The following AHCYL2 variants were observed in gnomAD, a reference collection of about 807,000 sequenced individuals.
AHCYL2 encodes the protein S-adenosylhomocysteine hydrolase-like protein 2.
AHCYL2 carries 28 observed loss-of-function variants against 81.4 expected under a neutral mutation model. The ratio of observed to expected loss-of-function variants is 0.34; its 90% CI spans 0.25 to 0.47. The LOEUF (loss-of-function observed/expected upper bound fraction) is 0.47. AHCYL2 is among the 20% of genes least tolerant of loss of function. The probability of loss-of-function intolerance (pLI) is 1.00; values close to 1 mark genes in which losing one functional copy is unlikely to be tolerated. For synonymous variants in AHCYL2, 272 were observed against 290.2 expected (o/e 0.94, Z 0.64); for missense variants, 551 against 785.1 (o/e 0.70, Z 3.56).
intron 1 of AHCYL2, among the ~76,000 whole-genome samples, chr7:129,272,961 G>A (rs551712972): frequency 1.3e-5 from 2 of 152,188 alleles, no homozygotes; most frequent in East Asian, 3.9e-4. Flanking sequence ...TTAGGCTGGA[G>A]TGCAGTGGTG....
At chr7:129,306,766 G>A (rs1054482214) in intron 1 of AHCYL2, among the ~76,000 whole-genome samples, 7 of 152,122 alleles carry the variant, frequency 4.6e-5, no homozygotes, top group Non-Finnish European at 8.8e-5. Flanking sequence ...AAGGGACTTG[G>A]GTGTTGAGAT....
chr7:129,322,575 G>A (rs1020580007), intron 1 of AHCYL2, among the ~76,000 whole-genome samples: 1 of 152,096 alleles, frequency 6.6e-6, no homozygotes, highest in African/African-American at 2.4e-5. Flanking sequence ...GCAAAAAGCT[G>A]TTCATAATTT....
intron 12 of AHCYL2, 70 bp from the exon 13 acceptor site, chr7:129,422,770 C>A: frequency 7.1e-7 from 1 of 1,411,124 alleles, no homozygotes; most frequent in East Asian, 2.3e-5. Flanking sequence ...AAATGGCTCC[C>A]TTCAACATCT....
intron 4 of AHCYL2, among the ~76,000 whole-genome samples, chr7:129,392,255 A>G (rs1230295911): frequency 6.6e-6 from 1 of 152,158 alleles, no homozygotes; most frequent in Non-Finnish European, 1.5e-5. Context: ...GTCTTAGTTC[A>G]TTTGGGCTGC....
chr7:129,401,829 G>C (rs1796052184), intron 6 of AHCYL2, among the ~76,000 whole-genome samples: 1 of 152,202 alleles, frequency 6.6e-6, no homozygotes, highest in African/African-American at 2.4e-5. Context: ...AGCACAAACT[G>C]CTAGGAAGGT....
rs572099965 is a variant in AHCYL2, at chr7:129,269,465, T to A, written c.363+44026T>A. Among the ~76,000 whole-genome samples, 6 of 152,238 alleles carry A rather than the reference T, an allele frequency of 3.9e-5. No homozygotes were observed. The East Asian group carries it at 1.2e-3, about 29-fold the overall frequency. On this transcript the variant is annotated intron_variant, in intron 1 of 16. Coordinates refer to ENST00000325006, the MANE Select transcript of AHCYL2 (RefSeq NM_015328.4). ...CATGCCTGGCTAATTTTTTTTTTAT[T>A]TTGAGTAGAGATGGGGTTTCACCAT...
intron 1 of AHCYL2, among the ~76,000 whole-genome samples, chr7:129,352,133 T>C (rs1793588868): frequency 6.6e-6 from 1 of 152,200 alleles, no homozygotes; most frequent in Non-Finnish European, 1.5e-5. Flanking sequence ...GCATTCCTGA[T>C]TGTTTGAGTT....
chr7:129,241,374 T>C (rs931614155), intron 1 of AHCYL2, among the ~76,000 whole-genome samples: 8 of 152,186 alleles, frequency 5.3e-5, no homozygotes, highest in African/African-American at 1.7e-4. Context: ...GTGGATCACC[T>C]GAGGTCAGGA....
At chr7:129,281,048 A>G (rs879711155) in intron 1 of AHCYL2, among the ~76,000 whole-genome samples, 1 of 151,936 alleles carries the variant, frequency 6.6e-6, no homozygotes, top group Non-Finnish European at 1.5e-5. Flanking sequence ...TATTTTTAGT[A>G]GAGATGGGGT....
intron 1 of AHCYL2, among the ~76,000 whole-genome samples, chr7:129,340,093 T>A (rs1377687120): frequency 3.3e-5 from 5 of 149,730 alleles, no homozygotes; most frequent in Admixed American, 6.6e-5. Context: ...TTATTTTTTG[T>A]ATTTTTTTTT....
At position 129,427,010 on chromosome 7, in the gene AHCYL2, C is replaced by A. The variant is rs374014375; in HGVS notation, c.1830-29C>A. ...CAGCATCCCCATTAGCTGATAACAT[C>A]ACAGTCTCATCTTTCTTTTTCCCTC... On this transcript the variant is annotated intron_variant, in intron 16 of 16. Coordinates refer to ENST00000325006, the MANE Select transcript of AHCYL2 (RefSeq NM_015328.4). This position sits in a 1 kb window ranked among gnomAD's most constrained non-coding sequence, Gnocchi z 5.5. 3.7e-6 allele frequency: 6 copies of A among 1,608,942 alleles called. No homozygotes were observed. The African/African-American group carries it at 8.0e-5, about 22-fold the overall frequency.
chr7:129,330,741 G>A (rs538160518), intron 1 of AHCYL2, among the ~76,000 whole-genome samples: 18 of 152,304 alleles, frequency 1.2e-4, no homozygotes, highest in African/African-American at 3.8e-4. Flanking sequence ...GATTACAGGC[G>A]TGAGCCACCA....
chr7:129,371,816 C>T (rs1180376730), intron 1 of AHCYL2, among the ~76,000 whole-genome samples: 1 of 152,126 alleles, frequency 6.6e-6, no homozygotes, highest in African/African-American at 2.4e-5. Flanking sequence ...GCTTGATGCC[C>T]GATATTCTTT....
intron 1 of AHCYL2, among the ~76,000 whole-genome samples, chr7:129,302,208 G>C (rs964337220): frequency 6.6e-6 from 1 of 152,096 alleles, no homozygotes; most frequent in African/African-American, 2.4e-5. Flanking sequence ...AAATGCTAGT[G>C]ACTTTTGTGT....
intron 1 of AHCYL2, among the ~76,000 whole-genome samples, chr7:129,277,417 A>G (rs1796261495): frequency 6.6e-6 from 1 of 151,974 alleles, no homozygotes; most frequent in South Asian, 2.1e-4. Context: ...AGCTGGAATT[A>G]CAGGTGCGCA....
intron 1 of AHCYL2, among the ~76,000 whole-genome samples, chr7:129,244,778 C>T (rs753906026): frequency 6.6e-6 from 1 of 152,076 alleles, no homozygotes; most frequent in Admixed American, 6.6e-5. Context: ...TATCTAATGC[C>T]GCCTTCTGAT....
intron 1 of AHCYL2, among the ~76,000 whole-genome samples, chr7:129,255,097 C>T (rs1795367002): frequency 6.6e-6 from 1 of 151,738 alleles, no homozygotes; most frequent in East Asian, 1.9e-4. Flanking sequence ...CCCGTCTCTA[C>T]TAAAAATACA....
intron 1 of AHCYL2, among the ~76,000 whole-genome samples, chr7:129,286,447 T>G (rs370214421): frequency 2.6e-5 from 4 of 151,034 alleles, no homozygotes; most frequent in African/African-American, 4.8e-5. Context: ...GAGTTAGTTT[T>G]TTTGTTTGTT....
intron 1 of AHCYL2, among the ~76,000 whole-genome samples, chr7:129,366,051 A>G (rs1794102127): frequency 6.6e-6 from 1 of 152,188 alleles, no homozygotes; most frequent in Non-Finnish European, 1.5e-5. Flanking sequence ...AGAGGTTGCT[A>G]GGAGCTAAGA....
Sources: allele counts gnomAD v4.1 joint callset (sites outside exome capture counted in the v4.1 genomes callset), GRCh38; gene constraint gnomAD v4.1.1; non-coding constraint Gnocchi (gnomAD v3.1); transcripts MANE v1.5; gene names NCBI Gene and HGNC (gene_info 2026-07-23, HGNC 2026-07-21).